ADGRL1: variants seen among roughly 807,000 people sequenced by gnomAD.
ADGRL1 encodes adhesion G protein-coupled receptor L1.
ADGRL1 carries 31 observed loss-of-function variants against 148.9 expected under a neutral mutation model. The observed-to-expected ratio is 0.21, with a 90% confidence interval of 0.16 to 0.28. The LOEUF (loss-of-function observed/expected upper bound fraction) is 0.28, where lower values mean the gene tolerates loss of function less well. Ranked by LOEUF, ADGRL1 falls within the 10% of genes least tolerant of loss-of-function variation. The pLI, the probability that ADGRL1 is intolerant of heterozygous loss-of-function variation, is 1.00. For synonymous variants in ADGRL1, 937 were observed against 900.3 expected (o/e 1.04, Z -0.73); for missense variants, 1,521 against 2,058.8 (o/e 0.74, Z 5.05).
intron 12 of ADGRL1, 79 bp from the exon 13 acceptor site, chr19:14,158,131 C>A: frequency 1.4e-6 from 2 of 1,468,472 alleles, no homozygotes; most frequent in Non-Finnish European, 1.9e-6. Context: ...CACCTGGCAA[C>A]AGGGATGGTA....
chr19:14,196,299 A>G (rs60107824), intron 1 of ADGRL1, among the ~76,000 whole-genome samples: 14,762 of 152,222 alleles, frequency 0.097, 1,167 homozygotes, highest in African/African-American at 0.22. Flanking sequence ...TCACTCGACC[A>G]AAAGCCAAAG....
rs772717980 is a variant in ADGRL1 at position 14,183,651 on chromosome 19, G to A, written c.-49C>T. The stretch of plus-strand genomic sequence containing the variant: ...GAGCTCTCAGTGGCCTGTGCGGGGG[G>A]CTTTGCCCCACATCACCTGGCAGGC... On this transcript the variant is annotated 5_prime_UTR_variant, in exon 2 of 23. Coordinates refer to ENST00000361434, the MANE Select transcript of ADGRL1 (RefSeq NM_014921.5). 1.8e-5 allele frequency: 27 copies of A among 1,497,994 alleles called. No individual in the cohort carries two copies. Among genetic ancestry groups the A allele is most frequent in the East Asian group, 7.5e-5 (3 of 40,210 alleles). 92.8% of individuals were successfully genotyped at this position (1,497,994 alleles called of 1,614,324 possible).
chr19:14,197,187 A>C (rs1294550345), intron 1 of ADGRL1, among the ~76,000 whole-genome samples: 1 of 152,046 alleles, frequency 6.6e-6, no homozygotes, highest in Non-Finnish European at 1.5e-5. Flanking sequence ...CAGCAGGGTC[A>C]TTCAAGCCCA....
intron 1 of ADGRL1, among the ~76,000 whole-genome samples, chr19:14,184,646 A>ATTATTTTT (rs1971466993): frequency 1.0e-5 from 1 of 97,732 alleles, no homozygotes; most frequent in East Asian, 3.2e-4. Flanking sequence ...TTATTTATTT[A>ATTATTTTT]TTTTTTTTTC....
intron 3 of ADGRL1, among the ~76,000 whole-genome samples, chr19:14,174,381 A>C (rs1970676533): frequency 6.6e-6 from 1 of 152,082 alleles, no homozygotes; most frequent in Non-Finnish European, 1.5e-5. Flanking sequence ...GGGGAATGGC[A>C]GTTTGAGAGA....
intron 1 of ADGRL1, among the ~76,000 whole-genome samples, chr19:14,201,988 G>C (rs1251228500): frequency 3.9e-5 from 6 of 152,096 alleles, no homozygotes; most frequent in Admixed American, 6.6e-5. Flanking sequence ...AAGAGGGTGG[G>C]GGAGAAAAAG....
chr19:14,160,531 G>GCTGGGCCCTGGGCC lies in ADGRL1; in HGVS notation c.1614+48_1614+61dup. ...TCTCCCCAGCTGCTCCACGACCCCCGCTGGGCCCTGGGCCCTGGGCCCGAG... is the reference window on the plus strand; with the variant it reads ...TCTCCCCAGCTGCTCCACGACCCCCGCTGGGCCCTGGGCCCTGGGCCCTGGGCCCTGGGCCCGAG... On this transcript the variant is annotated intron_variant, in intron 7 of 22. Transcript: ENST00000361434. This position sits in a 1 kb window ranked among gnomAD's most constrained non-coding sequence, Gnocchi z 5.9. 1 of 1,272,422 alleles carries GCTGGGCCCTGGGCC rather than the reference G, an allele frequency of 7.9e-7. No homozygotes were observed. The highest frequency in any genetic ancestry group is 1.1e-6 in the Non-Finnish European group (1 of 919,312). 78.8% of individuals were successfully genotyped at this position (1,272,422 alleles called of 1,614,324 possible).
rs767170139 is a variant in ADGRL1, at chr19:14,160,242, C to A, written c.1670G>T (p.Arg557Leu). The A allele has an allele frequency of 6.3e-7, 1 of 1,597,306 alleles. No homozygotes were observed. The highest frequency in any genetic ancestry group is 1.7e-5 in the Admixed American group (1 of 59,752). ...NIASELARHT[R>L]GSIYAGDVSS... is the part of the protein sequence containing the mutation. ...GACGTCCCCCGCGTAGATGGAGCCC[C>A]GGGTGTGTCGGGCCAGCTCGCTGGC... is the stretch of plus-strand genomic sequence containing the variant. Residue 557 changes from arginine (R) to leucine (L), a missense_variant, in exon 8 of 23, where the codon CGG becomes CTG. Transcript: ENST00000361434. The surrounding 1 kb of genome is among the most constrained non-coding windows in gnomAD (Gnocchi z 5.9).
Position 14,160,178 on chromosome 19 carries a change from G to C in ADGRL1, c.1734C>G (p.Ile578Met), listed in dbSNP as rs1384540369. The C allele has an allele frequency of 6.3e-7, 1 of 1,597,770 alleles. No individual in the cohort carries two copies. The highest frequency in any genetic ancestry group is 1.1e-5 in the South Asian group (1 of 90,770). The change falls in exon 8 of 23, where the codon ATC becomes ATG. Residue 578 changes from isoleucine (I) to methionine (M), a missense_variant. Ile to Met is a conservative substitution (Grantham distance 10, BLOSUM62 1). Around this residue, in one of 8 missense-constraint regions of ADGRL1, gnomAD observed 265 missense variants for 431.9 expected, o/e 0.61. Coordinates refer to ENST00000361434, the MANE Select transcript of ADGRL1 (RefSeq NM_014921.5). This position sits in a 1 kb window ranked among gnomAD's most constrained non-coding sequence, Gnocchi z 5.9. ...GCAGGGCCTGCAGCTGGGCATCCAGGATGTCCAGCAGCTGCTCCATCAGCT... is the reference window on the plus strand; with the variant it reads ...GCAGGGCCTGCAGCTGGGCATCCAGCATGTCCAGCAGCTGCTCCATCAGCT... ...SVKLMEQLLD[I>M]LDAQLQALRP...
At chr19:14,183,835 C>G in intron 1 of ADGRL1, 138 bp from the exon 2 acceptor site, 1 of 544,644 alleles carries the variant, frequency 1.8e-6, no homozygotes, top group Non-Finnish European at 3.3e-6. Context: ...GGGCCCCCTC[C>G]GGGGTCTGCA....
chr19:14,198,631 A>G lies in ADGRL1; in HGVS notation c.-96+7354T>C, dbSNP rs190435966. Among the ~76,000 whole-genome samples the G allele has an allele frequency of 3.8e-3, 573 of 151,200 alleles. 6 individuals carry two copies. The highest frequency in any genetic ancestry group is 0.011 in the African/African-American group (469 of 41,140). ...CCCCACCCCTGCCACAGGCCCTGGCAGCCCCACAGTCACAAGTCCAGCCAG... is the reference window on the plus strand; with the variant it reads ...CCCCACCCCTGCCACAGGCCCTGGCGGCCCCACAGTCACAAGTCCAGCCAG... On this transcript the variant is annotated intron_variant, in intron 1 of 22. Transcript: ENST00000361434.
chr19:14,158,043 G>C lies in ADGRL1; in HGVS notation c.2374C>G (p.His792Asp). The C allele has an allele frequency of 6.2e-7, 1 of 1,614,124 alleles. No homozygotes were observed. The part of the protein sequence containing the change: ...FTVAHLEDKN[H>D]FNANCSFWNY... ...CAGAAGGAGCAGTTAGCATTGAAGT[G>C]GTTCTTGTCCTGTTGTGTGGTGGCA... The change falls in exon 13 of 23, where the codon CAC (histidine) becomes GAC (aspartate). Residue 792 changes from histidine to aspartate, a missense_variant. This residue lies in a region of ADGRL1 where 265 missense variants were observed against 431.9 expected (regional missense o/e 0.61). Coordinates refer to ENST00000361434, the MANE Select transcript of ADGRL1 (RefSeq NM_014921.5).
chr19:14,157,775 C>T lies in ADGRL1; in HGVS notation c.2535+107G>A. 7.2e-7 allele frequency: 1 copy of T among 1,384,956 alleles called. No homozygotes were observed. The highest frequency in any genetic ancestry group is 2.5e-5 in the East Asian group (1 of 40,362). The allele number at this position is 1,384,956 out of a possible 1,614,324, so 85.8% of individuals were successfully genotyped here. A position where few individuals can be genotyped will look rare whatever the true frequency, so the allele number is the denominator to read the frequency against. On this transcript the variant is annotated intron_variant, in intron 13 of 22. Transcript: ENST00000361434. This position sits in a 1 kb window ranked among gnomAD's most constrained non-coding sequence, Gnocchi z 7.5. ...GGCAAGACCAGGGGCCCCCCACACCCATGGGGCTAGCCTCCCCTGGTACTG... is the reference window on the plus strand; with the variant it reads ...GGCAAGACCAGGGGCCCCCCACACCTATGGGGCTAGCCTCCCCTGGTACTG...
At chr19:14,182,931 G>A (rs1971300009) in intron 2 of ADGRL1, among the ~76,000 whole-genome samples, 1 of 151,810 alleles carries the variant, frequency 6.6e-6, no homozygotes, top group Admixed American at 6.5e-5. Context: ...GCACATCCCA[G>A]AGTGAGGGGC....
At chr19:14,174,799 G>A (rs1970705141) in intron 3 of ADGRL1, among the ~76,000 whole-genome samples, 1 of 148,722 alleles carries the variant, frequency 6.7e-6, no homozygotes, top group Admixed American at 6.8e-5. Context: ...GCCTCCCAAA[G>A]TGCTGGGATT....
intron 2 of ADGRL1, among the ~76,000 whole-genome samples, chr19:14,182,399 C>T (rs1449046577): frequency 6.6e-6 from 1 of 152,176 alleles, no homozygotes; most frequent in Non-Finnish European, 1.5e-5. Flanking sequence ...GACCCAGATG[C>T]CCCAATGTGG....
intron 1 of ADGRL1, among the ~76,000 whole-genome samples, chr19:14,196,653 G>A (rs1972283497): frequency 6.6e-6 from 1 of 152,094 alleles, no homozygotes; most frequent in Non-Finnish European, 1.5e-5. Context: ...TGTACAATGT[G>A]AAACACCAGG....
chr19:14,183,898 G>A (rs1971396050), intron 1 of ADGRL1, among the ~76,000 whole-genome samples: 3 of 152,140 alleles, frequency 2.0e-5, no homozygotes, highest in Admixed American at 2.0e-4. Flanking sequence ...CAGCTATCTG[G>A]GCACCTCTGG....
chr19:14,167,167 T>C, intron 4 of ADGRL1: 1 of 784,266 alleles, frequency 1.3e-6, no homozygotes, highest in South Asian at 1.6e-5. Flanking sequence ...CCTTCCTCGC[T>C]CCTGCTTCCC....
Sources: allele counts gnomAD v4.1 joint callset (sites outside exome capture counted in the v4.1 genomes callset), GRCh38; gene constraint gnomAD v4.1.1; regional missense constraint gnomAD v4.1.1; non-coding constraint Gnocchi (gnomAD v3.1); transcripts MANE v1.5; gene names NCBI Gene and HGNC (gene_info 2026-07-23, HGNC 2026-07-21).